TTR: variants seen among roughly 807,000 people sequenced by gnomAD.
TTR encodes epididymis luminal protein 111.
Under a neutral mutation model 13.7 loss-of-function variants are expected in TTR, and 8 were observed. That is an observed-to-expected ratio of 0.58 (90% CI 0.34 to 1.05). The LOEUF is 1.05. Ranked by LOEUF, TTR falls within the 50% of genes least tolerant of loss-of-function variation. The pLI, the probability that TTR is intolerant of heterozygous loss-of-function variation, is 0.02. For synonymous variants in TTR, 75 were observed against 71.7 expected (o/e 1.05, Z -0.23); for missense variants, 135 against 185.5 (o/e 0.73, Z 1.58).
intron 3 of TTR, 115 bp from the exon 4 acceptor site, chr18:31,598,453 A>G (rs1425404932): frequency 9.7e-7 from 1 of 1,033,980 alleles, no homozygotes; most frequent in East Asian, 2.6e-5. Flanking sequence ...GTTCCAAAAT[A>G]TAAAAGAATA....
At position 31,592,119 on chromosome 18, in the gene TTR, A is replaced by G. The variant is rs1003993012; in HGVS notation, c.69+148A>G. 8.5e-6 allele frequency: 7 copies of G among 819,110 alleles called. No homozygotes were observed. In the African/African-American group the frequency reaches 1.2e-4, roughly 14 times the overall value. 50.7% of individuals were successfully genotyped at this position (819,110 alleles called of 1,614,324 possible). On this transcript the variant is annotated intron_variant, in intron 1 of 3. Coordinates refer to ENST00000237014, the MANE Select transcript of TTR (RefSeq NM_000371.4). ...TTTAATATAATTAATTCAAACTTCA[A>G]AAAGAATGAAGTTCCACTGAGCTTA...
At chr18:31,596,091 A>G (rs867927880) in intron 3 of TTR, 1 of 155,530 alleles carries the variant, frequency 6.4e-6, no homozygotes, top group Non-Finnish European at 1.4e-5. Context: ...AGGATCTTCA[A>G]ACAGTTATAC....
intron 2 of TTR, among the ~76,000 whole-genome samples, chr18:31,594,364 A>G (rs2073504840): frequency 6.6e-6 from 1 of 152,262 alleles, no homozygotes; most frequent in South Asian, 2.1e-4. Flanking sequence ...GAAAAGAGTC[A>G]GATACAGGTT....
At chr18:31,595,790 C>G (rs1189262786) in intron 3 of TTR, 3 of 286,080 alleles carry the variant, frequency 1.0e-5, no homozygotes, top group African/African-American at 2.2e-5. Flanking sequence ...TAAGTGTTTT[C>G]CATATTTAAC....
chr18:31,595,037 TGTTA>T (rs1195686094), intron 2 of TTR, 79 bp from the exon 3 acceptor site: 3 of 1,407,736 alleles, frequency 2.1e-6, no homozygotes, highest in Non-Finnish European at 3.0e-6. Context: ...TGTTTATGTG[TGTTA>T]GTTGGTGGGG....
intron 1 of TTR, among the ~76,000 whole-genome samples, chr18:31,592,350 T>C (rs538484429): frequency 6.6e-6 from 1 of 152,362 alleles, no homozygotes; most frequent in Non-Finnish European, 1.5e-5. Context: ...TCTGGCCCTA[T>C]AGTTATTCAA....
At chr18:31,593,160 T>G in intron 2 of TTR, 134 bp downstream of exon 2, 1 of 1,368,588 alleles carries the variant, frequency 7.3e-7, no homozygotes, top group Non-Finnish European at 1.0e-6. Context: ...AGGTCAAGTA[T>G]GCCCTCTGAA....
chr18:31,592,356 T>G (rs1475072099), intron 1 of TTR, among the ~76,000 whole-genome samples: 1 of 152,210 alleles, frequency 6.6e-6, no homozygotes, highest in Non-Finnish European at 1.5e-5. Flanking sequence ...CCTATAGTTA[T>G]TCAAAACGTA....
intron 2 of TTR, 28 bp from the exon 3 acceptor site, chr18:31,595,092 A>G: frequency 6.2e-7 from 1 of 1,613,816 alleles, no homozygotes; most frequent in South Asian, 1.1e-5. Flanking sequence ...TCCATGCGTA[A>G]CTTAATCCAG....
rs2073492442 is a variant in TTR, at chr18:31,592,815, C to A, written c.70-81C>A. 38 of 1,588,696 alleles carry A rather than the reference C, an allele frequency of 2.4e-5. 1 individual carries two copies. The South Asian group carries it at 4.0e-4, about 17-fold the overall frequency. On this transcript the variant is annotated intron_variant, in intron 1 of 3. Coordinates refer to ENST00000237014, the MANE Select transcript of TTR (RefSeq NM_000371.4). ...TCAGTGTGTAATTCTTGTTTCGCTC[C>A]AGATTTCTAATACCACAAAGAATAA...
At chr18:31,595,888 A>G (rs1289366297) in intron 3 of TTR, 1 of 180,220 alleles carries the variant, frequency 5.5e-6, no homozygotes, top group African/African-American at 2.4e-5. Flanking sequence ...CCAGGAAGTC[A>G]AATAACTTGT....
chr18:31,591,926 C>T lies in TTR; in HGVS notation c.24C>T (p.Leu8=), dbSNP rs991342939. 1.2e-6 allele frequency: 2 copies of T among 1,614,070 alleles called. No individual in the cohort carries two copies. Among genetic ancestry groups the T allele is most frequent in the African/African-American group, 2.7e-5 (2 of 74,924 alleles). The stretch of plus-strand genomic sequence containing the variant: ...GGATGGCTTCTCATCGTCTGCTCCT[C>T]CTCTGCCTTGCTGGACTGGTATTTG... MASHRLL[L]LCLAGLVFVS... is the part of the protein sequence containing the mutation. The change falls in exon 1 of 4, where the codon CTC becomes CTT. Residue 8 remains leucine (L), a synonymous_variant. Transcript: ENST00000237014.
intron 2 of TTR, among the ~76,000 whole-genome samples, chr18:31,594,224 G>A (rs13381331): frequency 0.029 from 4,348 of 152,190 alleles, 210 homozygotes; most frequent in African/African-American, 0.1. Flanking sequence ...TTTATCTATC[G>A]TAGCTGTTGC....
Position 31,598,781 on chromosome 18 carries a change from G to C in TTR, c.*106G>C. The C allele has an allele frequency of 8.6e-7, 1 of 1,163,244 alleles. No homozygotes were observed. The allele number at this position is 1,163,244 out of a possible 1,614,324, so 72.1% of individuals were successfully genotyped here. ...TGTTTTCACCTCATATGCTATGTTA[G>C]AAGTCCAGGCAGAGACAATAAAACA... On this transcript the variant is annotated 3_prime_UTR_variant, in exon 4 of 4. Transcript: ENST00000237014.
chr18:31,595,214 T>C lies in TTR; in HGVS notation c.295T>C (p.Trp99Arg). 1 of 1,614,184 alleles carries C rather than the reference T, an allele frequency of 6.2e-7. No homozygotes were observed. The highest frequency in any genetic ancestry group is 8.5e-7 in the Non-Finnish European group (1 of 1,180,030). ...YKVEIDTKSYWKALGISPFHE... is the reference protein window; with the variant it reads ...YKVEIDTKSYRKALGISPFHE... ...AGTGGAAATAGACACCAAATCTTAC[T>C]GGAAGGCACTTGGCATCTCCCCATT... is the stretch of plus-strand genomic sequence containing the variant. The change falls in exon 3 of 4, where the codon TGG (tryptophan) becomes CGG (arginine). Residue 99 changes from tryptophan (W) to arginine (R), a missense_variant. Trp to Arg is a moderately radical substitution (Grantham distance 101). Coordinates refer to ENST00000237014, the MANE Select transcript of TTR (RefSeq NM_000371.4).
intron 2 of TTR, chr18:31,593,319 G>A (rs2073496482): frequency 2.8e-6 from 1 of 362,548 alleles, no homozygotes; most frequent in Admixed American, 3.8e-5. Context: ...ACTTTATGTA[G>A]GTGATGAAAA....
intron 3 of TTR, chr18:31,595,718 G>C (rs2073513553): frequency 2.9e-6 from 1 of 340,266 alleles, no homozygotes; most frequent in East Asian, 7.5e-5. Flanking sequence ...TAAAATCAAA[G>C]TAATAATGGC....
chr18:31,592,739 C>T (rs2144406259), intron 1 of TTR, among the ~76,000 whole-genome samples, 157 bp from the exon 2 acceptor site: 1 of 152,310 alleles, frequency 6.6e-6, no homozygotes, highest in African/African-American at 2.4e-5. Flanking sequence ...CTGTGTTATA[C>T]TGAGTAGGGA....
Position 31,595,120 on chromosome 18 carries a change from G to A in TTR, c.201G>A (p.Gly67=). ...TAATCCAGACTTTCACACCTTATAG[G>A]AAAACCAGTGAGTCTGGAGAGCTGC... is the stretch of plus-strand genomic sequence containing the variant. ...ADDTWEPFAS[G]KTSESGELHG... is the part of the protein sequence containing the mutation. Residue 67 remains glycine, a splice_region_variant and synonymous_variant, in exon 3 of 4, where the codon GGG becomes GGA. Transcript: ENST00000237014. 1 of 1,614,062 alleles carries A rather than the reference G, an allele frequency of 6.2e-7. No homozygotes were observed. The highest frequency in any genetic ancestry group is 8.5e-7 in the Non-Finnish European group (1 of 1,179,992).
Sources: allele counts gnomAD v4.1 joint callset (sites outside exome capture counted in the v4.1 genomes callset), GRCh38; gene constraint gnomAD v4.1.1; transcripts MANE v1.5; gene names NCBI Gene and HGNC (gene_info 2026-07-23, HGNC 2026-07-21).